The following SOX5 variants were observed in gnomAD, a reference collection of about 807,000 sequenced individuals.
SOX5 encodes transcription factor SOX-5.
Under a neutral mutation model 92.0 loss-of-function variants are expected in SOX5, and 9 were observed. The observed-to-expected ratio is 0.10, with a 90% CI of 0.06 to 0.17. The LOEUF (loss-of-function observed/expected upper bound fraction) is 0.17. Among genes scored for constraint, SOX5 ranks in the 10% least tolerant of loss-of-function variants. The probability of loss-of-function intolerance (pLI) is 1.00; values close to 1 mark genes in which losing one functional copy is unlikely to be tolerated. For synonymous variants in SOX5, 344 were observed against 336.3 expected (o/e 1.02, Z -0.25); for missense variants, 642 against 944.5 (o/e 0.68, Z 4.20).
chr12:23,677,847 G>A lies in SOX5; in HGVS notation c.811-12283C>T, dbSNP rs535114413. Among the ~76,000 whole-genome samples the A allele has an allele frequency of 7.4e-5, 11 of 149,516 alleles. No individual in the cohort carries two copies. The South Asian group carries it at 1.7e-3, about 23-fold the overall frequency. ...TACATTAGTGGTAAGAAGCGTTCCC[G>A]CAAACAAAAACAAAGATAATATTTC... On this transcript the variant is annotated intron_variant, in intron 6 of 14. Coordinates refer to ENST00000451604, the MANE Select transcript of SOX5 (RefSeq NM_006940.6).
At chr12:24,082,847 T>A (rs1447124591) in intron 4 of SOX5, among the ~76,000 whole-genome samples, 1 of 151,960 alleles carries the variant, frequency 6.6e-6, no homozygotes, top group Non-Finnish European at 1.5e-5. Context: ...TTATAAATTC[T>A]TCATTTATTC....
chr12:24,111,607 G>C (rs1947354195), intron 4 of SOX5, among the ~76,000 whole-genome samples: 1 of 151,934 alleles, frequency 6.6e-6, no homozygotes, highest in African/African-American at 2.4e-5. Flanking sequence ...CACATTGTAG[G>C]CTGACTTCAA....
chr12:23,665,709 G>C, intron 6 of SOX5, 145 bp from the exon 7 acceptor site: 1 of 898,734 alleles, frequency 1.1e-6, no homozygotes, highest in South Asian at 1.7e-5. Context: ...TGGGCTTGAG[G>C]ATATGCTTTG....
chr12:23,931,713 T>G (rs1290437936), intron 1 of SOX5, among the ~76,000 whole-genome samples: 1 of 151,720 alleles, frequency 6.6e-6, no homozygotes, highest in Non-Finnish European at 1.5e-5. Flanking sequence ...GAACAGTGAA[T>G]GACAAATGAG....
intron 4 of SOX5, among the ~76,000 whole-genome samples, chr12:24,023,165 T>C (rs1304968266): frequency 6.6e-6 from 1 of 152,180 alleles, no homozygotes; most frequent in Admixed American, 6.6e-5. Context: ...ATGCAAGCCA[T>C]GTTCTTTATG....
chr12:23,691,230 C>A (rs1192640545), intron 6 of SOX5, among the ~76,000 whole-genome samples: 1 of 152,196 alleles, frequency 6.6e-6, no homozygotes, highest in Non-Finnish European at 1.5e-5. Flanking sequence ...AAGGCAGCAG[C>A]AATGAGTACC....
intron 4 of SOX5, among the ~76,000 whole-genome samples, chr12:24,200,040 T>C (rs572584138): frequency 1.3e-5 from 2 of 152,174 alleles, no homozygotes; most frequent in Non-Finnish European, 2.9e-5. Context: ...ATATCAAGGA[T>C]TGAATGAACC....
At chr12:24,259,503 A>T (rs1941770051) in intron 3 of SOX5, among the ~76,000 whole-genome samples, 1 of 152,222 alleles carries the variant, frequency 6.6e-6, no homozygotes, top group Non-Finnish European at 1.5e-5. Context: ...CCTAAGTAAA[A>T]GGCATTTTCA....
At chr12:24,134,086 G>A (rs1949902301) in intron 4 of SOX5, among the ~76,000 whole-genome samples, 1 of 151,818 alleles carries the variant, frequency 6.6e-6, no homozygotes, top group Non-Finnish European at 1.5e-5. Flanking sequence ...TTAAATTGTT[G>A]CTTCTAAACA....
intron 2 of SOX5, among the ~76,000 whole-genome samples, chr12:23,881,277 A>G (rs1224205264): frequency 6.6e-6 from 1 of 152,178 alleles, no homozygotes; most frequent in Non-Finnish European, 1.5e-5. Flanking sequence ...TTGCCATGAC[A>G]AAGCCCCCTG....
intron 2 of SOX5, among the ~76,000 whole-genome samples, chr12:24,306,556 G>A (rs967681318): frequency 4.6e-5 from 7 of 152,184 alleles, no homozygotes; most frequent in African/African-American, 1.7e-4. Flanking sequence ...ATGAATGTTT[G>A]TTGTGCCTAG....
chr12:24,280,263 T>C (rs1945003992), intron 2 of SOX5, among the ~76,000 whole-genome samples: 1 of 152,126 alleles, frequency 6.6e-6, no homozygotes, highest in Non-Finnish European at 1.5e-5. Context: ...AGGGAAAGAT[T>C]GGTGGCTGCA....
At chr12:23,776,649 G>T (rs565507831) in intron 3 of SOX5, among the ~76,000 whole-genome samples, 1 of 152,048 alleles carries the variant, frequency 6.6e-6, no homozygotes, top group Admixed American at 6.6e-5. Flanking sequence ...GTGGAAGGGA[G>T]GATAATTTTG....
intron 1 of SOX5, among the ~76,000 whole-genome samples, chr12:24,443,331 T>C (rs187858986): frequency 6.6e-6 from 1 of 152,192 alleles, no homozygotes; most frequent in African/African-American, 2.4e-5. Flanking sequence ...GAAGTAAAGA[T>C]GGACATGAGA....
chr12:23,990,820 TG>T (rs1233574714), intron 4 of SOX5, among the ~76,000 whole-genome samples: 1 of 152,106 alleles, frequency 6.6e-6, no homozygotes, highest in African/African-American at 2.4e-5. Context: ...TAACAGTGTT[TG>T]CTGAACAGAT....
intron 3 of SOX5, among the ~76,000 whole-genome samples, chr12:23,792,926 C>A (rs1194459753): frequency 6.6e-6 from 1 of 152,014 alleles, no homozygotes; most frequent in Admixed American, 6.6e-5. Context: ...ACTAAGTAGT[C>A]TTAAAGGTAA....
At chr12:23,536,733 G>T in intron 13 of SOX5, 64 bp from the exon 14 acceptor site, 2 of 1,243,374 alleles carry the variant, frequency 1.6e-6, no homozygotes, top group South Asian at 1.2e-5. Flanking sequence ...AAAGTGATAT[G>T]GCTGAGAACA....
chr12:24,045,325 T>G (rs533519189), intron 4 of SOX5, among the ~76,000 whole-genome samples: 16 of 152,320 alleles, frequency 1.1e-4, no homozygotes, highest in East Asian at 5.8e-4. Context: ...TAACTTTAAA[T>G]AGCATCTGTA....
chr12:23,868,720 G>A (rs193209495), intron 2 of SOX5, among the ~76,000 whole-genome samples: 120 of 151,970 alleles, frequency 7.9e-4, no homozygotes, highest in Non-Finnish European at 1.4e-3. Flanking sequence ...CCCTACCCTC[G>A]CCTGAACCAT....
Sources: allele counts gnomAD v4.1 joint callset (sites outside exome capture counted in the v4.1 genomes callset), GRCh38; gene constraint gnomAD v4.1.1; transcripts MANE v1.5; gene names NCBI Gene and HGNC (gene_info 2026-07-23, HGNC 2026-07-21).